TMEM108: variants seen among roughly 807,000 people sequenced by gnomAD.
TMEM108 encodes the protein transmembrane protein 108, also known as cancer/testis antigen 124.
TMEM108 carries 12 observed loss-of-function variants against 35.1 expected under a neutral mutation model. That is an observed-to-expected ratio of 0.34 (90% confidence interval 0.22 to 0.55). The LOEUF is 0.55. TMEM108 is among the 20% of genes least tolerant of loss of function. The probability of loss-of-function intolerance (pLI) is 0.89; values close to 1 mark genes in which losing one functional copy is unlikely to be tolerated. For synonymous variants in TMEM108, 287 were observed against 308.6 expected (o/e 0.93, Z 0.73); for missense variants, 680 against 753.3 (o/e 0.90, Z 1.14).
At chr3:133,151,957 C>G (rs781780855) in intron 2 of TMEM108, among the ~76,000 whole-genome samples, 1 of 152,066 alleles carries the variant, frequency 6.6e-6, no homozygotes, top group African/African-American at 2.4e-5. Flanking sequence ...ATGGTTGATG[C>G]CAACCAGAGT....
chr3:133,040,318 C>T (rs1284328853), intron 1 of TMEM108, among the ~76,000 whole-genome samples: 1 of 151,758 alleles, frequency 6.6e-6, no homozygotes, highest in Non-Finnish European at 1.5e-5. Context: ...ATTCTCCTGC[C>T]TCAGCCTCCC....
chr3:133,116,277 G>T (rs1388358472), intron 2 of TMEM108, among the ~76,000 whole-genome samples: 2 of 152,068 alleles, frequency 1.3e-5, no homozygotes, highest in African/African-American at 4.8e-5. Context: ...TTTGATGTTT[G>T]CCCTTCAATT....
intron 3 of TMEM108, chr3:133,378,616 C>A: frequency 1.1e-6 from 1 of 893,638 alleles, no homozygotes; most frequent in Non-Finnish European, 1.3e-6. Flanking sequence ...CAGGCTCTTC[C>A]CAACCCATGT....
intron 3 of TMEM108, among the ~76,000 whole-genome samples, chr3:133,373,972 C>T (rs1048967776): frequency 1.3e-5 from 2 of 152,174 alleles, no homozygotes; most frequent in Non-Finnish European, 2.9e-5. Context: ...ATGTCCGGTG[C>T]CTGGCTGGGG....
chr3:133,113,730 T>C (rs1310441869), intron 2 of TMEM108, among the ~76,000 whole-genome samples: 2 of 152,168 alleles, frequency 1.3e-5, no homozygotes, highest in South Asian at 2.1e-4. Flanking sequence ...CTGGATGTTA[T>C]TCGTTTTCTC....
chr3:133,296,140 G>A (rs1480073454), intron 3 of TMEM108, among the ~76,000 whole-genome samples: 3 of 152,132 alleles, frequency 2.0e-5, no homozygotes, highest in Admixed American at 6.5e-5. Flanking sequence ...ATTAGGAAAA[G>A]CACCCCCCTT....
intron 2 of TMEM108, among the ~76,000 whole-genome samples, chr3:133,174,559 G>C (rs1044792227): frequency 6.6e-6 from 1 of 152,190 alleles, no homozygotes; most frequent in African/African-American, 2.4e-5. Flanking sequence ...TGATACCCAG[G>C]GAAACAGGGT....
At chr3:133,395,786 C>T (rs971459293) in intron 5 of TMEM108, 78 bp from the exon 6 acceptor site, 2 of 1,393,586 alleles carry the variant, frequency 1.4e-6, no homozygotes, top group Non-Finnish European at 1.9e-6. Context: ...TAAATGTTCC[C>T]ATGTGTACAT....
chr3:133,378,974 G>A (rs2072923242), intron 3 of TMEM108, among the ~76,000 whole-genome samples: 2 of 152,128 alleles, frequency 1.3e-5, no homozygotes, highest in African/African-American at 2.4e-5. Context: ...GTTCCAGGCT[G>A]TGCTAAGTGC....
intron 2 of TMEM108, among the ~76,000 whole-genome samples, chr3:133,171,735 TA>T (rs1945133553): frequency 6.6e-6 from 1 of 152,200 alleles, no homozygotes; most frequent in Admixed American, 6.5e-5. Context: ...AAAAAGAGCA[TA>T]AAATTTACTT....
At chr3:133,253,570 T>TA (rs879279153) in intron 3 of TMEM108, 4 of 152,190 alleles carry the variant, frequency 2.6e-5, no homozygotes, top group Admixed American at 2.0e-4. Context: ...CAGTATGTGG[T>TA]CTCTTCAAGT....
chr3:133,038,612 C>G (rs1419857517), intron 1 of TMEM108, among the ~76,000 whole-genome samples, 177 bp downstream of exon 1: 2 of 152,144 alleles, frequency 1.3e-5, no homozygotes, highest in Non-Finnish European at 2.9e-5. Flanking sequence ...CTCTCAGGCA[C>G]CTTCCCATCC....
chr3:133,326,913 A>T (rs940882479), intron 3 of TMEM108, among the ~76,000 whole-genome samples: 10 of 152,234 alleles, frequency 6.6e-5, no homozygotes, highest in Non-Finnish European at 1.3e-4. Flanking sequence ...GGGGCATGAG[A>T]AGTATTATTT....
At chr3:133,387,897 T>C in intron 4 of TMEM108, 1 of 985,466 alleles carries the variant, frequency 1.0e-6, no homozygotes, top group Non-Finnish European at 1.2e-6. Context: ...TTCTGTTTGC[T>C]TATAACTGCT....
intron 2 of TMEM108, among the ~76,000 whole-genome samples, chr3:133,189,379 G>A (rs900868434): frequency 6.6e-6 from 1 of 152,136 alleles, no homozygotes; most frequent in Non-Finnish European, 1.5e-5. Flanking sequence ...TTTTAAAGTG[G>A]AATTGTACAG....
At chr3:133,225,278 C>T (rs907260502) in intron 2 of TMEM108, among the ~76,000 whole-genome samples, 1 of 152,080 alleles carries the variant, frequency 6.6e-6, no homozygotes. Flanking sequence ...GATCTCCTGA[C>T]CTCGTGATCC....
chr3:133,146,342 G>A (rs568351527), intron 2 of TMEM108, among the ~76,000 whole-genome samples: 36 of 152,264 alleles, frequency 2.4e-4, no homozygotes, highest in African/African-American at 8.2e-4. Flanking sequence ...TAAACTATTT[G>A]ATGTACTGCT....
chr3:133,160,606 T>A (rs1944947339), intron 2 of TMEM108, among the ~76,000 whole-genome samples: 1 of 152,206 alleles, frequency 6.6e-6, no homozygotes. Flanking sequence ...TCAAATGCTT[T>A]CCATTTACAG....
intron 2 of TMEM108, among the ~76,000 whole-genome samples, chr3:133,179,725 G>A (rs28731476): frequency 0.19 from 28,150 of 151,946 alleles, 3,439 homozygotes; most frequent in East Asian, 0.37. Flanking sequence ...GTTACTGGGT[G>A]CAGCACACCA....
Sources: gnomAD v4.1 joint callset for allele counts (sites outside exome capture counted in the v4.1 genomes callset) on GRCh38, gnomAD v4.1.1 for gene constraint, MANE v1.5 for transcripts, NCBI Gene and HGNC (gene_info 2026-07-23, HGNC 2026-07-21) for gene names.